Variants in GRIK2 observed in about 807,000 individuals in gnomAD.
The protein encoded by GRIK2 is glutamate receptor ionotropic, kainate 2.
Under a neutral mutation model 100.3 loss-of-function variants are expected in GRIK2, and 32 were observed. The ratio of observed to expected loss-of-function variants is 0.32; its 90% CI spans 0.24 to 0.43. GRIK2 has a LOEUF of 0.43. Ranked by LOEUF, GRIK2 falls within the 20% of genes least tolerant of loss-of-function variation. The pLI is 1.00. For synonymous variants in GRIK2, 417 were observed against 389.4 expected (o/e 1.07, Z -0.83); for missense variants, 843 against 1,114.9 (o/e 0.76, Z 3.47).
intron 7 of GRIK2, among the ~76,000 whole-genome samples, chr6:101,795,226 T>G (rs1300548639): frequency 6.6e-6 from 1 of 152,194 alleles, no homozygotes; most frequent in African/African-American, 2.4e-5. Context: ...TATGGATTTA[T>G]CTATGGTATT....
chr6:101,788,661 C>T (rs1402900755), intron 7 of GRIK2, among the ~76,000 whole-genome samples: 1 of 152,136 alleles, frequency 6.6e-6, no homozygotes, highest in Non-Finnish European at 1.5e-5. Context: ...AATAGTGCTG[C>T]AATAAACATA....
intron 10 of GRIK2, among the ~76,000 whole-genome samples, chr6:101,857,023 G>C (rs1291337206): frequency 6.6e-6 from 1 of 152,144 alleles, no homozygotes; most frequent in African/African-American, 2.4e-5. Flanking sequence ...TTTTGAACCA[G>C]ATTTCATTGA....
At chr6:101,785,511 G>C (rs762598425) in intron 7 of GRIK2, among the ~76,000 whole-genome samples, 9 of 152,100 alleles carry the variant, frequency 5.9e-5, no homozygotes, top group Non-Finnish European at 7.4e-5. Context: ...AGAGATAGGA[G>C]TCTAGTTTCA....
chr6:101,978,578 A>G (rs925692338), intron 14 of GRIK2, among the ~76,000 whole-genome samples: 1 of 151,908 alleles, frequency 6.6e-6, no homozygotes, highest in South Asian at 2.1e-4. Flanking sequence ...ATTTGAAGCA[A>G]TCTGGCAGTT....
chr6:101,761,480 C>A lies in GRIK2; in HGVS notation c.952-38168C>A, dbSNP rs568049322. On this transcript the variant is annotated intron_variant, in intron 7 of 16. Coordinates refer to ENST00000369134, the MANE Select transcript of GRIK2 (RefSeq NM_021956.5). ...ATTGTGGCCCCACCCCTTCATTTCT[C>A]CAGAGCTCATGATAGCACACATGCT... Among the ~76,000 whole-genome samples the A allele has an allele frequency of 2.6e-5, 4 of 152,160 alleles. No individual in the cohort carries two copies. In the East Asian group the frequency reaches 7.7e-4, roughly 29 times the overall value.
At chr6:101,871,929 A>G (rs1431260938) in intron 11 of GRIK2, among the ~76,000 whole-genome samples, 1 of 151,946 alleles carries the variant, frequency 6.6e-6, no homozygotes, top group Non-Finnish European at 1.5e-5. Context: ...AGTTCAACTC[A>G]GTTCTTTGAG....
chr6:101,525,385 G>A (rs2128282874), intron 2 of GRIK2, among the ~76,000 whole-genome samples: 1 of 152,280 alleles, frequency 6.6e-6, no homozygotes, highest in East Asian at 1.9e-4. Context: ...GGAATCTAAG[G>A]TTTCAGTATT....
chr6:101,957,218 G>GT (rs1489338634), intron 14 of GRIK2, among the ~76,000 whole-genome samples: 8 of 151,710 alleles, frequency 5.3e-5, no homozygotes, highest in Non-Finnish European at 1.0e-4. Context: ...TTTCACTGTG[G>GT]TTTTAATTTG....
At chr6:101,748,246 C>A (rs1346175483) in intron 7 of GRIK2, among the ~76,000 whole-genome samples, 1 of 152,088 alleles carries the variant, frequency 6.6e-6, no homozygotes, top group Non-Finnish European at 1.5e-5. Flanking sequence ...GACTAAGATG[C>A]ATTCTCTGTT....
At chr6:101,594,693 T>C (rs1397013801) in intron 2 of GRIK2, among the ~76,000 whole-genome samples, 2 of 151,696 alleles carry the variant, frequency 1.3e-5, no homozygotes, top group Non-Finnish European at 2.9e-5. Flanking sequence ...CTAAGTAAAA[T>C]TCAGTGGAGT....
At chr6:101,462,055 C>A (rs79075114) in intron 2 of GRIK2, among the ~76,000 whole-genome samples, 5,904 of 152,164 alleles carry the variant, frequency 0.039, 164 homozygotes, top group South Asian at 0.093. Flanking sequence ...ATTTATGTAA[C>A]CTATCTGTGC....
chr6:102,058,374 C>A (rs949684394), intron 16 of GRIK2, among the ~76,000 whole-genome samples: 1 of 151,688 alleles, frequency 6.6e-6, no homozygotes, highest in African/African-American at 2.4e-5. Context: ...ACCTACCTAC[C>A]TATCTACCTA....
intron 10 of GRIK2, among the ~76,000 whole-genome samples, chr6:101,845,232 G>A (rs1757139514): frequency 6.6e-6 from 1 of 151,988 alleles, no homozygotes; most frequent in Admixed American, 6.6e-5. Flanking sequence ...TGCCCAAGTG[G>A]GTCCTGGCCT....
chr6:101,601,931 T>C (rs1258779855), intron 2 of GRIK2, among the ~76,000 whole-genome samples: 1 of 151,762 alleles, frequency 6.6e-6, no homozygotes, highest in Non-Finnish European at 1.5e-5. Context: ...TTAATTTTAT[T>C]CAGTTCCTGT....
At chr6:101,791,742 G>A (rs1354975087) in intron 7 of GRIK2, among the ~76,000 whole-genome samples, 3 of 152,156 alleles carry the variant, frequency 2.0e-5, no homozygotes, top group South Asian at 2.1e-4. Flanking sequence ...GCAGAGCTGA[G>A]TTCAATTCCT....
At chr6:101,500,731 A>G (rs1773706048) in intron 2 of GRIK2, among the ~76,000 whole-genome samples, 1 of 152,088 alleles carries the variant, frequency 6.6e-6, no homozygotes, top group Non-Finnish European at 1.5e-5. Flanking sequence ...TTATCCTTCA[A>G]AGACTTGTAT....
At chr6:102,028,397 G>A (rs7759016) in intron 14 of GRIK2, among the ~76,000 whole-genome samples, 16,225 of 151,024 alleles carry the variant, frequency 0.11, 2,416 homozygotes, top group African/African-American at 0.34. Context: ...AAAACAAATC[G>A]GCTTACAAGC....
chr6:102,047,507 T>C lies in GRIK2; in HGVS notation c.2312-7823T>C, dbSNP rs150933007. ...GCTTATGCCTGTAATCTCAGTACTT[T>C]GGGAGGCCGAGCTGGATGGATCACA... On this transcript the variant is annotated intron_variant, in intron 15 of 16. Transcript: ENST00000369134. Among the ~76,000 whole-genome samples, 440 of 152,174 alleles carry C rather than the reference T, an allele frequency of 2.9e-3. 2 individuals carry two copies. Among genetic ancestry groups the C allele is most frequent in the African/African-American group, 1.0e-2 (415 of 41,548 alleles).
At chr6:101,848,539 A>G (rs1783936191) in intron 10 of GRIK2, among the ~76,000 whole-genome samples, 1 of 152,174 alleles carries the variant, frequency 6.6e-6, no homozygotes, top group Non-Finnish European at 1.5e-5. Context: ...GAATACATCC[A>G]AAATATTTAT....
Sources: gnomAD v4.1 joint callset for allele counts (sites outside exome capture counted in the v4.1 genomes callset) on GRCh38, gnomAD v4.1.1 for gene constraint, MANE v1.5 for transcripts, NCBI Gene and HGNC (gene_info 2026-07-23, HGNC 2026-07-21) for gene names.